PKNOX2: variants seen among roughly 807,000 people sequenced by gnomAD.
PKNOX2 encodes the protein PBX/knotted 1 homeobox 2, also known as homeobox protein PKNOX2.
Under a neutral mutation model 53.1 loss-of-function variants are expected in PKNOX2, and 14 were observed. That is an observed-to-expected ratio of 0.26 (90% CI 0.17 to 0.41). PKNOX2 has a LOEUF of 0.41. PKNOX2 is among the 10% of genes least tolerant of loss of function. The pLI is 1.00. For missense variants in PKNOX2, 496 were observed against 602.8 expected (o/e 0.82, Z 1.85); for synonymous variants, 257 against 242.8 (o/e 1.06, Z -0.54).
At chr11:125,394,985 C>T (rs959699549) in intron 6 of PKNOX2, among the ~76,000 whole-genome samples, 1 of 142,286 alleles carries the variant, frequency 7.0e-6, no homozygotes, top group African/African-American at 2.7e-5. Flanking sequence ...TGTGTGTGTA[C>T]ATGTAATTAG....
intron 7 of PKNOX2, among the ~76,000 whole-genome samples, chr11:125,408,144 G>A (rs1264061425): frequency 6.6e-6 from 1 of 152,208 alleles, no homozygotes; most frequent in Non-Finnish European, 1.5e-5. Flanking sequence ...TAGTCCTCTG[G>A]CTGCTAACGG....
At chr11:125,261,673 C>T (rs1375504257) in intron 2 of PKNOX2, among the ~76,000 whole-genome samples, 1 of 152,194 alleles carries the variant, frequency 6.6e-6, no homozygotes, top group South Asian at 2.1e-4. Flanking sequence ...GGGCATCTCA[C>T]CCCCAAGTCA....
chr11:125,316,523 G>C (rs1186827086), intron 2 of PKNOX2, among the ~76,000 whole-genome samples: 1 of 151,786 alleles, frequency 6.6e-6, no homozygotes, highest in Non-Finnish European at 1.5e-5. Flanking sequence ...TCGCAGGTTG[G>C]ATTCCAGACC....
intron 1 of PKNOX2, among the ~76,000 whole-genome samples, chr11:125,214,397 G>A (rs905070600): frequency 1.9e-4 from 29 of 152,164 alleles, no homozygotes; most frequent in African/African-American, 6.7e-4. Context: ...TCGGGAGGGG[G>A]TTGCTCTGGA....
intron 5 of PKNOX2, among the ~76,000 whole-genome samples, chr11:125,377,133 T>C (rs1159178101): frequency 2.0e-5 from 3 of 152,128 alleles, no homozygotes; most frequent in South Asian, 2.1e-4. Flanking sequence ...CATTAATTGA[T>C]AGTTTACTAA....
intron 1 of PKNOX2, among the ~76,000 whole-genome samples, chr11:125,192,389 G>A (rs1390105758): frequency 6.6e-6 from 1 of 152,198 alleles, no homozygotes; most frequent in African/African-American, 2.4e-5. Context: ...ATTAAGTCAG[G>A]AAACAGGCAC....
chr11:125,191,980 G>A (rs1347381324), intron 1 of PKNOX2, among the ~76,000 whole-genome samples: 1 of 152,166 alleles, frequency 6.6e-6, no homozygotes, highest in African/African-American at 2.4e-5. Context: ...AATGGAAAGT[G>A]GGTAATTGTG....
chr11:125,270,998 G>T (rs893497444), intron 2 of PKNOX2, among the ~76,000 whole-genome samples: 1 of 152,174 alleles, frequency 6.6e-6, no homozygotes, highest in African/African-American at 2.4e-5. Context: ...AACCTTAGCT[G>T]CCTTGGGGGG....
Position 125,173,807 on chromosome 11 carries a change from C to T in PKNOX2, c.-201+9031C>T, listed in dbSNP as rs778583086. Among the ~76,000 whole-genome samples, 31 of 152,292 alleles carry T rather than the reference C, an allele frequency of 2.0e-4. No individual in the cohort carries two copies. In the Middle Eastern group the frequency reaches 0.024, roughly 117 times the overall value. ...GAAAGAATTCCCTCGGGGGCTCGTG[C>T]CCGTGGTCATCAGCTCACAATCCAG... is the stretch of plus-strand genomic sequence containing the variant. On this transcript the variant is annotated intron_variant, in intron 1 of 12. Coordinates refer to ENST00000298282, the MANE Select transcript of PKNOX2 (RefSeq NM_001382323.2).
At chr11:125,364,665 G>A (rs1162503892) in intron 4 of PKNOX2, among the ~76,000 whole-genome samples, 1 of 152,326 alleles carries the variant, frequency 6.6e-6, no homozygotes, top group East Asian at 1.9e-4. Flanking sequence ...TTGCTTTATG[G>A]CAGAAGTACA....
rs1294864420 is a variant in PKNOX2 at position 125,422,466 on chromosome 11, A to C, written c.937-6546A>C. ...AGAAGCTGCCCTCCAACTCCCCAGG[A>C]GTGATGTTTGACTGTCGGAGGCATC... On this transcript the variant is annotated intron_variant, in intron 10 of 12. Transcript: ENST00000298282. The surrounding 1 kb of genome is among the most constrained non-coding windows in gnomAD (Gnocchi z 4.1). 6.6e-6 allele frequency among the ~76,000 whole-genome samples: 1 copy of C among 152,022 alleles called. No homozygotes were observed. Among genetic ancestry groups the C allele is most frequent in the African/African-American group, 2.4e-5 (1 of 41,406 alleles).
chr11:125,301,955 G>T (rs1232806132), intron 2 of PKNOX2, among the ~76,000 whole-genome samples: 1 of 152,242 alleles, frequency 6.6e-6, no homozygotes, highest in Admixed American at 6.5e-5. Flanking sequence ...TCGGGGCATG[G>T]TCCCTCTGGA....
chr11:125,185,383 T>C (rs1956392144), intron 1 of PKNOX2, among the ~76,000 whole-genome samples: 1 of 152,226 alleles, frequency 6.6e-6, no homozygotes, highest in South Asian at 2.1e-4. Context: ...AACATAAAAT[T>C]TGCCATTTTA....
intron 1 of PKNOX2, among the ~76,000 whole-genome samples, chr11:125,229,551 C>T (rs1460907790): frequency 6.6e-6 from 1 of 152,066 alleles, no homozygotes; most frequent in Admixed American, 6.5e-5. Context: ...AATAAGGAGT[C>T]GTGGAAGGGT....
At chr11:125,279,027 G>A (rs1272284014) in intron 2 of PKNOX2, among the ~76,000 whole-genome samples, 3 of 152,222 alleles carry the variant, frequency 2.0e-5, no homozygotes, top group African/African-American at 7.2e-5. Flanking sequence ...TCTCCTCGTG[G>A]TCACCATGTT....
chr11:125,212,524 G>A (rs1038504406), intron 1 of PKNOX2, among the ~76,000 whole-genome samples: 1 of 148,300 alleles, frequency 6.7e-6, no homozygotes, highest in Admixed American at 6.8e-5. Flanking sequence ...GCGTGATCAC[G>A]GCTCACTGCA....
At chr11:125,364,516 A>C (rs1836838328) in intron 4 of PKNOX2, among the ~76,000 whole-genome samples, 1 of 152,016 alleles carries the variant, frequency 6.6e-6, no homozygotes, top group African/African-American at 2.4e-5. Flanking sequence ...ATCCCTCTTC[A>C]TCCCAAGAGC....
At chr11:125,390,767 C>A (rs921067689) in intron 6 of PKNOX2, among the ~76,000 whole-genome samples, 1 of 152,258 alleles carries the variant, frequency 6.6e-6, no homozygotes, top group Non-Finnish European at 1.5e-5. Flanking sequence ...GGTACCACTT[C>A]TTTCCCAAAT....
intron 1 of PKNOX2, among the ~76,000 whole-genome samples, chr11:125,232,136 G>A (rs1942260785): frequency 6.6e-6 from 1 of 152,192 alleles, no homozygotes; most frequent in Non-Finnish European, 1.5e-5. Flanking sequence ...ATCCTCTAGA[G>A]CAACACAGTC....
Sources: allele counts gnomAD v4.1 joint callset (sites outside exome capture counted in the v4.1 genomes callset), GRCh38; gene constraint gnomAD v4.1.1; non-coding constraint Gnocchi (gnomAD v3.1); transcripts MANE v1.5; gene names NCBI Gene and HGNC (gene_info 2026-07-23, HGNC 2026-07-21).